The following ERLEC1 variants were observed in gnomAD, a reference collection of about 807,000 sequenced individuals.
ERLEC1 encodes the protein ER lectin.
In ERLEC1, 47 loss-of-function variants were observed where a neutral mutation model predicts 68.0. That is an observed-to-expected ratio of 0.69 (90% CI 0.55 to 0.88). The LOEUF (loss-of-function observed/expected upper bound fraction) is 0.88. ERLEC1 is among the 40% of genes least tolerant of loss of function. The probability of loss-of-function intolerance (pLI) is 0.00; values close to 1 mark genes in which losing one functional copy is unlikely to be tolerated. For synonymous variants in ERLEC1, 225 were observed against 203.2 expected, an observed-to-expected ratio of 1.11 and a Z score of -0.91; for missense variants, 567 against 583.8, an observed-to-expected ratio of 0.97 and a Z score of 0.30.
intron 10 of ERLEC1, 37 bp downstream of exon 10, chr2:53,809,310 A>G (rs779456797): frequency 3.0e-5 from 41 of 1,384,696 alleles, no homozygotes; most frequent in Non-Finnish European, 3.7e-5. Context: ...CTACCACTAG[A>G]TGGTTTAAAG....
chr2:53,811,506 C>A (rs1430365640), intron 10 of ERLEC1, among the ~76,000 whole-genome samples: 11 of 149,228 alleles, frequency 7.4e-5, no homozygotes, highest in African/African-American at 2.8e-4. Flanking sequence ...CTGGAACTTT[C>A]TAGGGAACTC....
chr2:53,811,595 T>C (rs1216272329), intron 10 of ERLEC1, among the ~76,000 whole-genome samples: 2 of 152,188 alleles, frequency 1.3e-5, no homozygotes, highest in African/African-American at 4.8e-5. Context: ...CACTATGTAC[T>C]TTACACGTAT....
intron 3 of ERLEC1, among the ~76,000 whole-genome samples, chr2:53,796,916 G>T (rs2104292620): frequency 8.6e-6 from 1 of 116,484 alleles, no homozygotes; most frequent in South Asian, 2.9e-4. Context: ...TTTTGAGACA[G>T]AGTTTCACTC....
chr2:53,801,339 C>A, intron 6 of ERLEC1, 58 bp from the exon 7 acceptor site: 1 of 1,294,898 alleles, frequency 7.7e-7, no homozygotes, highest in South Asian at 1.3e-5. Flanking sequence ...TCCTCTCCCA[C>A]CCCCAGTCCC....
At chr2:53,801,950 A>G (rs2104305505) in intron 8 of ERLEC1, 108 bp downstream of exon 8, 1 of 865,764 alleles carries the variant, frequency 1.2e-6, no homozygotes, top group South Asian at 1.8e-5. Flanking sequence ...AATTTATTTT[A>G]CTGGCCCAAC....
chr2:53,788,333 T>C (rs1675189058), intron 1 of ERLEC1, among the ~76,000 whole-genome samples: 1 of 152,244 alleles, frequency 6.6e-6, no homozygotes, highest in African/African-American at 2.4e-5. Context: ...ATGGATGTTA[T>C]TACCACATAG....
chr2:53,798,079 C>T (rs1457494649), intron 5 of ERLEC1, among the ~76,000 whole-genome samples: 1 of 152,062 alleles, frequency 6.6e-6, no homozygotes, highest in Non-Finnish European at 1.5e-5. Context: ...CCTGTAGTCC[C>T]AGCTACTTGG....
chr2:53,817,876 T>C, intron 13 of ERLEC1, 22 bp from the exon 14 acceptor site: 1 of 1,551,724 alleles, frequency 6.4e-7, no homozygotes, highest in East Asian at 2.2e-5. Context: ...AACTTTTTAA[T>C]GGCTTTGTTG....
rs571790723 is a variant in ERLEC1, at chr2:53,811,603, TATTA to T, written c.1102-1342_1102-1339del. On this transcript the variant is annotated intron_variant, in intron 10 of 13. Coordinates refer to ENST00000185150, the MANE Select transcript of ERLEC1 (RefSeq NM_015701.5). ...TGCTAGGCACTATGTACTTTACACG[TATTA>T]ATTCTTTTAATATTCATAACAACCT... Among the ~76,000 whole-genome samples, 680 of 152,316 alleles carry T rather than the reference TATTA, an allele frequency of 4.5e-3. 6 individuals are homozygous for T. Among genetic ancestry groups the T allele is most frequent in the Non-Finnish European group, 7.1e-3 (484 of 68,038 alleles).
At chr2:53,815,067 A>G (rs1676805746) in intron 13 of ERLEC1, 132 bp downstream of exon 13, 4 of 555,778 alleles carry the variant, frequency 7.2e-6, no homozygotes, top group Admixed American at 7.2e-5. Context: ...GTGCCGTGGC[A>G]TAATCTTGGC....
chr2:53,805,819 G>C (rs1676266341), intron 8 of ERLEC1, among the ~76,000 whole-genome samples: 1 of 152,156 alleles, frequency 6.6e-6, no homozygotes, highest in Non-Finnish European at 1.5e-5. Flanking sequence ...CTTATTGCCT[G>C]TCTTTTGGAT....
chr2:53,809,475 TTAATTAC>T, intron 10 of ERLEC1, among the ~76,000 whole-genome samples: 1 of 152,310 alleles, frequency 6.6e-6, no homozygotes, highest in African/African-American at 2.4e-5. Flanking sequence ...ATATTGCTTA[TTAATTAC>T]TCATATGCTT....
chr2:53,808,926 G>A (rs1453403760), intron 9 of ERLEC1, among the ~76,000 whole-genome samples: 1 of 152,126 alleles, frequency 6.6e-6, no homozygotes, highest in Non-Finnish European at 1.5e-5. Context: ...ACCGCACCTG[G>A]CCAACATCTC....
intron 2 of ERLEC1, 133 bp downstream of exon 2, chr2:53,794,582 A>G: frequency 1.9e-6 from 1 of 539,388 alleles, no homozygotes. Flanking sequence ...AATAGTAATC[A>G]CTTTTAATAT....
At chr2:53,816,740 A>G (rs1676919073) in intron 13 of ERLEC1, among the ~76,000 whole-genome samples, 1 of 152,142 alleles carries the variant, frequency 6.6e-6, no homozygotes, top group Admixed American at 6.5e-5. Flanking sequence ...TTATGGTTCT[A>G]CCTTTGATTA....
intron 2 of ERLEC1, among the ~76,000 whole-genome samples, chr2:53,795,445 G>GACAC (rs148957941): frequency 1.3e-5 from 2 of 151,708 alleles, no homozygotes; most frequent in African/African-American, 4.8e-5. Context: ...GTCTCCTTGA[G>GACAC]ACACACACAC....
chr2:53,787,137 A>ACCTCCTCCTCCT lies in ERLEC1; in HGVS notation c.-66_-55dup, dbSNP rs941817958. On this transcript the variant is annotated 5_prime_UTR_variant, in exon 1 of 14. Transcript: ENST00000185150. The stretch of plus-strand genomic sequence containing the variant: ...TTATAGTCCCGCCGCCTCCTCCTCC[A>ACCTCCTCCTCCT]CCTCCTCCTCCTCCTCCTCTCCTCC... 2.0e-6 allele frequency: 2 copies of ACCTCCTCCTCCT among 1,021,940 alleles called. No individual in the cohort carries two copies. Among genetic ancestry groups the ACCTCCTCCTCCT allele is most frequent in the Non-Finnish European group, 1.3e-6 (1 of 770,806 alleles). 63.3% of individuals were successfully genotyped at this position (1,021,940 alleles called of 1,614,324 possible).
Position 53,793,387 on chromosome 2 carries a change from G to A in ERLEC1, c.163-958G>A, listed in dbSNP as rs528485875. Reference sequence around the variant, plus strand: ...GAAGTCAGCAAACTACAGCCATTGCGCTGTCCCACCACATATTTTTATAAA... The same window carrying A: ...GAAGTCAGCAAACTACAGCCATTGCACTGTCCCACCACATATTTTTATAAA... On this transcript the variant is annotated intron_variant, in intron 1 of 13. Coordinates refer to ENST00000185150, the MANE Select transcript of ERLEC1 (RefSeq NM_015701.5). Among the ~76,000 whole-genome samples, 17 of 152,232 alleles carry A rather than the reference G, an allele frequency of 1.1e-4. No individual in the cohort carries two copies. The East Asian group carries it at 2.1e-3, about 19-fold the overall frequency.
At chr2:53,809,087 T>C (rs1327830284) in intron 9 of ERLEC1, 127 bp from the exon 10 acceptor site, 3 of 669,868 alleles carry the variant, frequency 4.5e-6, no homozygotes, top group Non-Finnish European at 7.7e-6. Flanking sequence ...ATGTTTTCTT[T>C]TAATATTCAA....
Sources: allele counts gnomAD v4.1 joint callset (sites outside exome capture counted in the v4.1 genomes callset), GRCh38; gene constraint gnomAD v4.1.1; transcripts MANE v1.5; gene names NCBI Gene and HGNC (gene_info 2026-07-23, HGNC 2026-07-21).